The following TMC7 variants were observed in gnomAD, a reference collection of about 807,000 sequenced individuals.
The protein encoded by TMC7 is transmembrane channel like 7.
TMC7 carries 54 observed loss-of-function variants against 82.9 expected under a neutral mutation model. The observed-to-expected ratio is 0.65, with a 90% CI of 0.52 to 0.82. The LOEUF is 0.82. Ranked by LOEUF, TMC7 falls within the 40% of genes least tolerant of loss-of-function variation. TMC7 has a pLI of 0.00. For synonymous variants in TMC7, 350 were observed against 337.9 expected (o/e 1.04, Z -0.39); for missense variants, 820 against 901.2 (o/e 0.91, Z 1.15).
chr16:19,057,392 A>G (rs1489059820), intron 14 of TMC7, among the ~76,000 whole-genome samples: 2 of 152,238 alleles, frequency 1.3e-5, no homozygotes, highest in African/African-American at 4.8e-5. Context: ...CTTATAAGCC[A>G]TGAATAACTG....
chr16:19,009,392 C>T lies in TMC7; in HGVS notation c.288C>T (p.Asn96=). The change falls in exon 2 of 16, where the codon AAC becomes AAT. Residue 96 remains asparagine (N), a synonymous_variant. Transcript: ENST00000304381. ...ATTCTCTTCGAAATTATGCACTGAA[C>T]ATCTCTGAGAAGCGGAGACTAAGGT... ...SSHSLRNYAL[N]ISEKRRLRDI... is the part of the protein sequence containing the mutation. 1.2e-6 allele frequency: 2 copies of T among 1,613,980 alleles called. No individual in the cohort carries two copies. Among genetic ancestry groups the T allele is most frequent in the Non-Finnish European group, 1.7e-6 (2 of 1,179,884 alleles).
rs760359195 is a variant in TMC7, at chr16:18,988,156, CTTTTT to C, written c.67+4040_67+4044del. Among the ~76,000 whole-genome samples the C allele has an allele frequency of 1.1e-4, 14 of 128,960 alleles. No individual in the cohort carries two copies. The South Asian group carries it at 3.3e-3, about 30-fold the overall frequency. The allele number at this position is 128,960 out of a possible 152,430, so 84.6% of individuals were successfully genotyped here. A position where few individuals can be genotyped will look rare whatever the true frequency, so the allele number is the denominator to read the frequency against. ...GTTAATTTTCTTTTCTTCTCTCTTT[CTTTTT>C]TTTTTTTTTTTTTGATGGAGTCTTG... On this transcript the variant is annotated intron_variant, in intron 1 of 15. Transcript: ENST00000304381.
intron 2 of TMC7, among the ~76,000 whole-genome samples, chr16:19,015,062 C>T (rs1959609569): frequency 6.6e-6 from 1 of 151,946 alleles, no homozygotes; most frequent in Admixed American, 6.6e-5. Flanking sequence ...CTTCCGGGTT[C>T]AAGCGATTCT....
chr16:19,028,644 T>C (rs974430250), intron 5 of TMC7, among the ~76,000 whole-genome samples: 1 of 151,490 alleles, frequency 6.6e-6, no homozygotes, highest in Admixed American at 6.6e-5. Flanking sequence ...TTAGAGCTTC[T>C]TTAATTATTA....
At chr16:19,049,710 C>T in intron 12 of TMC7, 1 of 970,018 alleles carries the variant, frequency 1.0e-6, no homozygotes, top group Non-Finnish European at 1.2e-6. Flanking sequence ...ACTTCCGTCA[C>T]TCACACCAGG....
In TMC7 at chr16:19,044,911, A is replaced by G. The variant is rs1479836545; in HGVS notation, c.1365A>G (p.Ile455Met). 1 of 1,613,336 alleles carries G rather than the reference A, an allele frequency of 6.2e-7. No individual in the cohort carries two copies. The highest frequency in any genetic ancestry group is 8.5e-7 in the Non-Finnish European group (1 of 1,179,960). ...LRCVFMRLATICVLVFTLGSK... is the reference protein window; with the variant it reads ...LRCVFMRLATMCVLVFTLGSK... ...GTGTCTTTATGCGGCTGGCCACCAT[A>G]TGTGTCCTGGTGTTCACGCTGGGCT... The change falls in exon 10 of 16, where the codon ATA becomes ATG. Residue 455 changes from isoleucine to methionine, a missense_variant. By Grantham distance (10) the Ile-to-Met change is conservative. Transcript: ENST00000304381.
At chr16:18,995,036 G>A (rs1326442842) in intron 1 of TMC7, among the ~76,000 whole-genome samples, 1 of 152,102 alleles carries the variant, frequency 6.6e-6, no homozygotes, top group East Asian at 1.9e-4. Context: ...TGGGGGAAAA[G>A]GCGGCAATGA....
intron 1 of TMC7, among the ~76,000 whole-genome samples, chr16:19,005,751 A>AG (rs1286430286): frequency 1.3e-5 from 2 of 152,172 alleles, no homozygotes; most frequent in African/African-American, 2.4e-5. Flanking sequence ...GCCTCCATGC[A>AG]GGGCTTAGAC....
At chr16:18,992,749 T>C (rs1192352495) in intron 1 of TMC7, among the ~76,000 whole-genome samples, 1 of 152,228 alleles carries the variant, frequency 6.6e-6, no homozygotes, top group Non-Finnish European at 1.5e-5. Flanking sequence ...GTTAAGTCTT[T>C]AATCCATCTT....
intron 2 of TMC7, 90 bp downstream of exon 2, chr16:19,009,505 A>G (rs1211505678): frequency 8.8e-6 from 13 of 1,473,254 alleles, no homozygotes; most frequent in South Asian, 8.5e-5. Context: ...TGAAGAGCTC[A>G]TATAATTAAA....
At chr16:18,996,966 CTA>C (rs1370630949) in intron 1 of TMC7, among the ~76,000 whole-genome samples, 2 of 152,176 alleles carry the variant, frequency 1.3e-5, no homozygotes, top group Non-Finnish European at 2.9e-5. Flanking sequence ...TCTTTTGTCT[CTA>C]TTAGAGAGGA....
At position 19,021,776 on chromosome 16, in the gene TMC7, T is replaced by C; in HGVS notation, c.608T>C (p.Leu203Pro). Residue 203 changes from leucine to proline, a missense_variant, in exon 4 of 16, where the codon CTC (leucine) becomes CCC (proline). Transcript: ENST00000304381. ...KYKITNSSFV[L>P]IPFKDMDKQC... is the part of the protein sequence containing the mutation. Reference sequence around the variant, plus strand: ...AAGATCACCAACAGCAGCTTCGTGCTCATTCCTTTCAAAGACATGGGTGAG... The same window carrying C: ...AAGATCACCAACAGCAGCTTCGTGCCCATTCCTTTCAAAGACATGGGTGAG... 6.2e-7 allele frequency: 1 copy of C among 1,614,202 alleles called. No homozygotes were observed. The highest frequency in any genetic ancestry group is 8.5e-7 in the Non-Finnish European group (1 of 1,180,034).
At chr16:18,988,745 C>T (rs1054960779) in intron 1 of TMC7, among the ~76,000 whole-genome samples, 5 of 152,100 alleles carry the variant, frequency 3.3e-5, no homozygotes, top group African/African-American at 9.7e-5. Context: ...TCTGGAGATA[C>T]GTTGTTAGGA....
chr16:18,998,195 C>T (rs2039077686), intron 1 of TMC7, among the ~76,000 whole-genome samples: 1 of 152,198 alleles, frequency 6.6e-6, no homozygotes, highest in Non-Finnish European at 1.5e-5. Context: ...GTTCTAAGCA[C>T]ATTACATATG....
At chr16:19,035,316 GGA>G (rs1310631802) in intron 6 of TMC7, among the ~76,000 whole-genome samples, 2 of 152,102 alleles carry the variant, frequency 1.3e-5, no homozygotes, top group Admixed American at 1.3e-4. Flanking sequence ...AAGAACTATT[GGA>G]TACTGTGCTC....
At chr16:19,014,035 T>G (rs1051368083) in intron 2 of TMC7, among the ~76,000 whole-genome samples, 2 of 151,704 alleles carry the variant, frequency 1.3e-5, no homozygotes, top group African/African-American at 4.8e-5. Flanking sequence ...TTTGTATTTT[T>G]TATTTTGTTT....
intron 1 of TMC7, among the ~76,000 whole-genome samples, chr16:19,001,892 A>G (rs1315991581): frequency 1.3e-5 from 2 of 152,172 alleles, no homozygotes; most frequent in Non-Finnish European, 2.9e-5. Context: ...ACTAATTCCC[A>G]TAGCAGCTGG....
At chr16:19,047,327 A>C in intron 12 of TMC7, 78 bp downstream of exon 12, 2 of 1,250,158 alleles carry the variant, frequency 1.6e-6, no homozygotes, top group Non-Finnish European at 2.2e-6. Context: ...TCTGGAGCTC[A>C]CCTCACATCC....
intron 1 of TMC7, among the ~76,000 whole-genome samples, chr16:18,996,341 A>G (rs1335120520): frequency 2.0e-5 from 3 of 152,204 alleles, no homozygotes; most frequent in South Asian, 2.1e-4. Context: ...AGCAGAGACT[A>G]GGGAGGGAGC....
Sources: gnomAD v4.1 joint callset for allele counts (sites outside exome capture counted in the v4.1 genomes callset) on GRCh38, gnomAD v4.1.1 for gene constraint, MANE v1.5 for transcripts, NCBI Gene and HGNC (gene_info 2026-07-23, HGNC 2026-07-21) for gene names.